Variants in PAN3 observed in about 807,000 individuals in gnomAD.
PAN3 encodes the protein PAN2-PAN3 deadenylation complex subunit PAN3.
In PAN3, 19 loss-of-function variants were observed where a neutral mutation model predicts 96.2. The ratio of observed to expected loss-of-function variants is 0.20; its 90% CI spans 0.14 to 0.29. The LOEUF is 0.29. PAN3 is among the 10% of genes least tolerant of loss of function. The probability of loss-of-function intolerance (pLI) is 1.00; values close to 1 mark genes in which losing one functional copy is unlikely to be tolerated. For missense variants in PAN3, 882 were observed against 1,108.1 expected (o/e 0.80, Z 2.90); for synonymous variants, 433 against 406.6 (o/e 1.06, Z -0.78).
chr13:28,246,301 C>G (rs963873504), intron 6 of PAN3, among the ~76,000 whole-genome samples: 3 of 151,614 alleles, frequency 2.0e-5, no homozygotes, highest in Non-Finnish European at 4.4e-5. Context: ...CATACTAGAC[C>G]TGTTTTTTTT....
chr13:28,143,224 G>A (rs917181743), intron 1 of PAN3, among the ~76,000 whole-genome samples: 2 of 152,066 alleles, frequency 1.3e-5, no homozygotes, highest in African/African-American at 4.8e-5. Context: ...GAGTAGCTGG[G>A]ACTACAGGTA....
At chr13:28,292,092 A>G (rs1043867765) in intron 18 of PAN3, among the ~76,000 whole-genome samples, 10 of 152,348 alleles carry the variant, frequency 6.6e-5, no homozygotes, top group Middle Eastern at 3.4e-3. Flanking sequence ...GTAATTTATT[A>G]TGCCAAAAAT....
chr13:28,205,798 G>T (rs1272992821), intron 5 of PAN3, among the ~76,000 whole-genome samples: 2 of 151,072 alleles, frequency 1.3e-5, no homozygotes, highest in Non-Finnish European at 2.9e-5. Context: ...TTGCACTGTT[G>T]CACTCCAGTC....
At chr13:28,221,947 A>G (rs960414369) in intron 6 of PAN3, among the ~76,000 whole-genome samples, 9 of 152,192 alleles carry the variant, frequency 5.9e-5, no homozygotes, top group African/African-American at 1.9e-4. Flanking sequence ...CAGTGTTGTA[A>G]TTCAACTTTA....
intron 4 of PAN3, among the ~76,000 whole-genome samples, chr13:28,192,466 A>T (rs1456046485): frequency 6.6e-6 from 1 of 152,238 alleles, no homozygotes; most frequent in Non-Finnish European, 1.5e-5. Flanking sequence ...TCTAAACACC[A>T]TCATGTCTGT....
In PAN3 at chr13:28,256,335, G is replaced by A. The variant is rs760478548; in HGVS notation, c.1044G>A (p.Lys348=). The A allele has an allele frequency of 6.2e-7, 1 of 1,613,626 alleles. No homozygotes were observed. The highest frequency in any genetic ancestry group is 1.3e-5 in the African/African-American group (1 of 74,876). The change falls in exon 7 of 19, where the codon AAG becomes AAA. Residue 348 remains lysine (K), a synonymous_variant. Coordinates refer to ENST00000380958, the MANE Select transcript of PAN3 (RefSeq NM_175854.8). ...SAGSSPLHSP[K]ITPHTSPAPR... is the part of the protein sequence containing the mutation. Reference sequence around the variant, plus strand: ...GGTCTTCCCCTCTTCATTCCCCCAAGATTACTCCACATACTTCTCCTGCTC... The same window carrying A: ...GGTCTTCCCCTCTTCATTCCCCCAAAATTACTCCACATACTTCTCCTGCTC...
Position 28,138,728 on chromosome 13 carries a change from C to CGGTGGCGGT in PAN3, c.78_86dup (p.Val27_Ala29dup), listed in dbSNP as rs774043609. On this transcript the variant is annotated inframe_insertion, in exon 1 of 19. Transcript: ENST00000380958. ...CCTTCCTCCTCCTCGCTGGCGGCGG[C>CGGTGGCGGT]GGTGGCGGTGGTGGCCCCGCCGGGG... 7.9e-7 allele frequency: 1 copy of CGGTGGCGGT among 1,259,298 alleles called. No homozygotes were observed. The highest frequency in any genetic ancestry group is 4.2e-5 in the Admixed American group (1 of 23,870). 78.0% of individuals were successfully genotyped at this position (1,259,298 alleles called of 1,614,324 possible).
rs989912719 is a variant in PAN3, at chr13:28,293,495, G to C, written c.*973G>C. 4 of 141,222 alleles carry C rather than the reference G, an allele frequency of 2.8e-5. No homozygotes were observed. The highest frequency in any genetic ancestry group is 2.4e-4 in the Admixed American group (3 of 12,752). The allele number at this position is 141,222 out of a possible 1,614,324, so 8.7% of individuals were successfully genotyped here. On this transcript the variant is annotated 3_prime_UTR_variant, in exon 19 of 19. Coordinates refer to ENST00000380958, the MANE Select transcript of PAN3 (RefSeq NM_175854.8). ...GTCCTTTACACTGGAGACAGACACA[G>C]AGACACTGTTCAGAAGATGAACTAA...
intron 1 of PAN3, among the ~76,000 whole-genome samples, chr13:28,144,211 G>GTTTTTTTTTTTT (rs972669575): frequency 1.3e-4 from 13 of 101,556 alleles, no homozygotes; most frequent in East Asian, 2.9e-4. Flanking sequence ...AAGTTTTTTT[G>GTTTTTTTTTTTT]TTTTTTTTTT....
At chr13:28,238,621 A>G (rs968489950) in intron 6 of PAN3, among the ~76,000 whole-genome samples, 2 of 152,198 alleles carry the variant, frequency 1.3e-5, no homozygotes, top group African/African-American at 4.8e-5. Context: ...AATTAATAGC[A>G]TTGATACTTT....
chr13:28,262,854 C>A (rs1219696834), intron 9 of PAN3, among the ~76,000 whole-genome samples: 1 of 152,032 alleles, frequency 6.6e-6, no homozygotes, highest in African/African-American at 2.4e-5. Context: ...GAATAAATAA[C>A]AACAAAAGAT....
chr13:28,293,685 T>A lies in PAN3; in HGVS notation c.*1163T>A, dbSNP rs1182459827. 1 of 152,558 alleles carries A rather than the reference T, an allele frequency of 6.6e-6. No homozygotes were observed. Among genetic ancestry groups the A allele is most frequent in the East Asian group, 1.9e-4 (1 of 5,198 alleles). The allele number at this position is 152,558 out of a possible 1,614,324, so 9.5% of individuals were successfully genotyped here. On this transcript the variant is annotated 3_prime_UTR_variant, in exon 19 of 19. Transcript: ENST00000380958. The stretch of plus-strand genomic sequence containing the variant: ...TTCCTGAATAAGTCCATCTCAAAAG[T>A]TTGGGATTTTCCTCCTCTTAACTTT...
chr13:28,203,788 T>C (rs1349438883), intron 5 of PAN3, among the ~76,000 whole-genome samples: 2 of 151,842 alleles, frequency 1.3e-5, no homozygotes, highest in African/African-American at 4.8e-5. Context: ...AAAGCGTCTC[T>C]GCTTTTCTTT....
At chr13:28,206,419 G>T (rs1346908552) in intron 5 of PAN3, among the ~76,000 whole-genome samples, 1 of 149,886 alleles carries the variant, frequency 6.7e-6, no homozygotes, top group Non-Finnish European at 1.5e-5. Context: ...TGCCTCCCAG[G>T]TTCAAGCAAT....
At chr13:28,257,728 TTA>T (rs1012577038) in intron 7 of PAN3, among the ~76,000 whole-genome samples, 3 of 136,180 alleles carry the variant, frequency 2.2e-5, no homozygotes, top group Non-Finnish European at 4.6e-5. Context: ...TTAATATATA[TTA>T]TATATAAATT....
At chr13:28,247,275 TTTTTTA>T (rs1384232156) in intron 6 of PAN3, among the ~76,000 whole-genome samples, 2 of 152,080 alleles carry the variant, frequency 1.3e-5, no homozygotes, top group East Asian at 1.9e-4. Context: ...TTGGATTTAT[TTTTTTA>T]TTTTTATTTT....
intron 4 of PAN3, among the ~76,000 whole-genome samples, chr13:28,179,016 T>TA (rs1232859148): frequency 2.0e-5 from 3 of 152,224 alleles, no homozygotes; most frequent in African/African-American, 7.2e-5. Flanking sequence ...TAAATTATGT[T>TA]AAAACCTCAT....
At chr13:28,237,835 C>T (rs1254283712) in intron 6 of PAN3, among the ~76,000 whole-genome samples, 1 of 152,102 alleles carries the variant, frequency 6.6e-6, no homozygotes, top group East Asian at 1.9e-4. Context: ...AAGATTATTG[C>T]AGAGTCACTA....
At chr13:28,220,647 C>A (rs1438501651) in intron 6 of PAN3, among the ~76,000 whole-genome samples, 2 of 152,008 alleles carry the variant, frequency 1.3e-5, no homozygotes, top group Non-Finnish European at 2.9e-5. Flanking sequence ...AGGAAAAAAT[C>A]TATCTTTTTG....
Sources: gnomAD v4.1 joint callset for allele counts (sites outside exome capture counted in the v4.1 genomes callset) on GRCh38, gnomAD v4.1.1 for gene constraint, MANE v1.5 for transcripts, NCBI Gene and HGNC (gene_info 2026-07-23, HGNC 2026-07-21) for gene names.